The following SLC22A3 variants were observed in gnomAD, a reference collection of about 807,000 sequenced individuals.
The protein encoded by SLC22A3 is EMT organic cation transporter 3.
In SLC22A3, 51 loss-of-function variants were observed where a neutral mutation model predicts 59.1. That is an observed-to-expected ratio of 0.86 (90% CI 0.69 to 1.09). The LOEUF is 1.09. SLC22A3 is among the 50% of genes least tolerant of loss of function. SLC22A3 has a pLI of 0.00. For missense variants in SLC22A3, 711 were observed against 726.3 expected, an observed-to-expected ratio of 0.98 and a Z score of 0.24; for synonymous variants, 325 against 292.0, an observed-to-expected ratio of 1.11 and a Z score of -1.15.
At chr6:160,360,003 A>G (rs1410487841) in intron 1 of SLC22A3, among the ~76,000 whole-genome samples, 2 of 152,242 alleles carry the variant, frequency 1.3e-5, no homozygotes, top group African/African-American at 2.4e-5. Context: ...TATTTCATAT[A>G]CTTTTCAAAT....
At chr6:160,425,539 T>G (rs1787918185) in intron 5 of SLC22A3, among the ~76,000 whole-genome samples, 1 of 152,212 alleles carries the variant, frequency 6.6e-6, no homozygotes, top group Non-Finnish European at 1.5e-5. Flanking sequence ...TTTGAGCTGT[T>G]TTCCTTCTCT....
intron 1 of SLC22A3, among the ~76,000 whole-genome samples, chr6:160,371,304 G>T (rs1370535993): frequency 6.6e-6 from 1 of 152,086 alleles, no homozygotes; most frequent in Non-Finnish European, 1.5e-5. Flanking sequence ...CTTACATTAG[G>T]TATTTCTCCT....
intron 5 of SLC22A3, among the ~76,000 whole-genome samples, chr6:160,436,490 T>C (rs1371904837): frequency 2.6e-5 from 4 of 152,202 alleles, no homozygotes; most frequent in African/African-American, 9.6e-5. Flanking sequence ...TGACTCTCAT[T>C]TCCCCCAATG....
chr6:160,357,608 G>A (rs567998230), intron 1 of SLC22A3, among the ~76,000 whole-genome samples: 5 of 152,092 alleles, frequency 3.3e-5, no homozygotes, highest in Admixed American at 6.6e-5. Context: ...TATTGATGAC[G>A]TTTTAAAAAG....
At position 160,360,197 on chromosome 6, in the gene SLC22A3, C is replaced by A. The variant is rs575750402; in HGVS notation, c.429+11349C>A. 5.9e-5 allele frequency among the ~76,000 whole-genome samples: 9 copies of A among 152,252 alleles called. No individual in the cohort carries two copies. The South Asian group carries it at 1.9e-3, about 32-fold the overall frequency. On this transcript the variant is annotated intron_variant, in intron 1 of 10. Coordinates refer to ENST00000275300, the MANE Select transcript of SLC22A3 (RefSeq NM_021977.4). Reference sequence around the variant, plus strand: ...AAGCGGCCGGGCACAGTGGCTCATGCCTGTAATCACAGCACTTCGGGAGGC... The same window carrying A: ...AAGCGGCCGGGCACAGTGGCTCATGACTGTAATCACAGCACTTCGGGAGGC...
intron 5 of SLC22A3, among the ~76,000 whole-genome samples, chr6:160,433,594 G>T (rs1200256340): frequency 6.6e-6 from 1 of 152,064 alleles, no homozygotes; most frequent in Non-Finnish European, 1.5e-5. Context: ...TGTGGTACCA[G>T]CTACTCAGGA....
At chr6:160,372,957 C>G (rs906782783) in intron 1 of SLC22A3, among the ~76,000 whole-genome samples, 2 of 152,242 alleles carry the variant, frequency 1.3e-5, no homozygotes, top group East Asian at 3.9e-4. Context: ...TCCTTTAGCT[C>G]AGAGGAGTTT....
intron 5 of SLC22A3, among the ~76,000 whole-genome samples, chr6:160,416,560 C>G (rs1787504134): frequency 6.6e-6 from 1 of 152,128 alleles, no homozygotes; most frequent in Non-Finnish European, 1.5e-5. Context: ...CAGGAGCATC[C>G]ACAATCATCC....
intron 1 of SLC22A3, among the ~76,000 whole-genome samples, chr6:160,349,324 C>T (rs1387249898): frequency 6.6e-6 from 1 of 152,164 alleles, no homozygotes; most frequent in Admixed American, 6.5e-5. Context: ...CGTTTGAAGG[C>T]AGCAGCAGCT....
In SLC22A3 at chr6:160,415,806, C is replaced by A. The variant is rs1016936965; in HGVS notation, c.975+4960C>A. Reference sequence around the variant, plus strand: ...TCTTGTGAAAAGAACCACCTGCCAACCCCAGCCTGTTCCATTGCTGACATC... The same window carrying A: ...TCTTGTGAAAAGAACCACCTGCCAAACCCAGCCTGTTCCATTGCTGACATC... On this transcript the variant is annotated intron_variant, in intron 5 of 10. Coordinates refer to ENST00000275300, the MANE Select transcript of SLC22A3 (RefSeq NM_021977.4). The surrounding 1 kb of genome is among the most constrained non-coding windows in gnomAD (Gnocchi z 4.1). Among the ~76,000 whole-genome samples the A allele has an allele frequency of 2.6e-5, 4 of 152,136 alleles. No homozygotes were observed. Among genetic ancestry groups the A allele is most frequent in the Admixed American group, 6.6e-5 (1 of 15,266 alleles).
chr6:160,385,012 G>T (rs2504917), intron 1 of SLC22A3, among the ~76,000 whole-genome samples: 128,056 of 152,266 alleles, frequency 0.84, 54,426 homozygotes, highest in East Asian at 1. Context: ...GCTGCCAGTG[G>T]GCAGCTCCCT....
intron 1 of SLC22A3, among the ~76,000 whole-genome samples, chr6:160,385,881 G>A (rs966334716): frequency 6.6e-6 from 1 of 152,210 alleles, no homozygotes; most frequent in African/African-American, 2.4e-5. Flanking sequence ...TTGTGTTAAT[G>A]TATTGGTTGG....
At chr6:160,374,670 G>A (rs909419888) in intron 1 of SLC22A3, among the ~76,000 whole-genome samples, 1 of 152,094 alleles carries the variant, frequency 6.6e-6, no homozygotes, top group Non-Finnish European at 1.5e-5. Flanking sequence ...TTTGGAGATG[G>A]GGGGCATTTC....
Position 160,348,737 on chromosome 6 carries a change from C to A in SLC22A3, c.318C>A (p.Ser106Arg). Residue 106 changes from serine to arginine, a missense_variant, in exon 1 of 11, where the codon AGC (serine) becomes AGA (arginine). Coordinates refer to ENST00000275300, the MANE Select transcript of SLC22A3 (RefSeq NM_021977.4). Reference sequence around the variant, plus strand: ...CCAACGACAGCGCCTCCGCCACTAGCGCTCTCAGCTGCGCGGACCCACTCG... The same window carrying A: ...CCAACGACAGCGCCTCCGCCACTAGAGCTCTCAGCTGCGCGGACCCACTCG... ...EAANDSASAT[S>R]ALSCADPLAA... The A allele has an allele frequency of 6.5e-7, 1 of 1,532,280 alleles. No individual in the cohort carries two copies. The highest frequency in any genetic ancestry group is 8.7e-7 in the Non-Finnish European group (1 of 1,145,608). 94.9% of individuals were successfully genotyped at this position (1,532,280 alleles called of 1,614,324 possible).
chr6:160,367,265 G>A (rs1785238514), intron 1 of SLC22A3, among the ~76,000 whole-genome samples: 1 of 152,022 alleles, frequency 6.6e-6, no homozygotes, highest in African/African-American at 2.4e-5. Flanking sequence ...AGCAGAAGGG[G>A]GAAAAGCTCC....
At chr6:160,388,804 T>A (rs1039776986) in intron 1 of SLC22A3, among the ~76,000 whole-genome samples, 11 of 152,244 alleles carry the variant, frequency 7.2e-5, no homozygotes, top group Non-Finnish European at 1.3e-4. Flanking sequence ...ACAGCAATTA[T>A]CTGCAACAAG....
chr6:160,397,509 G>A (rs1786530108), intron 1 of SLC22A3, among the ~76,000 whole-genome samples: 1 of 152,078 alleles, frequency 6.6e-6, no homozygotes, highest in Admixed American at 6.5e-5. Context: ...TTTGAGGTGG[G>A]CAGATTACGA....
At chr6:160,413,432 T>C (rs943984133) in intron 5 of SLC22A3, among the ~76,000 whole-genome samples, 2 of 152,248 alleles carry the variant, frequency 1.3e-5, no homozygotes, top group Non-Finnish European at 2.9e-5. Context: ...TGAATCTCTA[T>C]GCATATCCCT....
In SLC22A3 at chr6:160,437,123, C is replaced by T. The variant is rs767971016; in HGVS notation, c.1200C>T (p.Thr400=). The change falls in exon 7 of 11, where the codon ACC becomes ACT. Residue 400 remains threonine, a synonymous_variant. Coordinates refer to ENST00000275300, the MANE Select transcript of SLC22A3 (RefSeq NM_021977.4). ...ELPGALLILL[T]IERLGRRLPF... ...CAGGAGCTCTCTTGATCTTACTAAC[C>T]ATTGAGCGCCTTGGACGACGCCTCC... 2 of 1,614,156 alleles carry T rather than the reference C, an allele frequency of 1.2e-6. No individual in the cohort carries two copies. The highest frequency in any genetic ancestry group is 1.7e-6 in the Non-Finnish European group (2 of 1,180,002).
Sources: allele counts gnomAD v4.1 joint callset (sites outside exome capture counted in the v4.1 genomes callset), GRCh38; gene constraint gnomAD v4.1.1; non-coding constraint Gnocchi (gnomAD v3.1); transcripts MANE v1.5; gene names NCBI Gene and HGNC (gene_info 2026-07-23, HGNC 2026-07-21).